Variants in TGFBI observed in about 807,000 individuals in gnomAD.
The protein encoded by TGFBI is transforming growth factor-beta-induced protein ig-h3.
Under a neutral mutation model 73.7 loss-of-function variants are expected in TGFBI, and 50 were observed. That is an observed-to-expected ratio of 0.68 (90% CI 0.54 to 0.86). The LOEUF is 0.86. Ranked by LOEUF, TGFBI falls within the 40% of genes least tolerant of loss-of-function variation. The probability of loss-of-function intolerance (pLI) is 0.00; values close to 1 mark genes in which losing one functional copy is unlikely to be tolerated. For synonymous variants in TGFBI, 362 were observed against 360.5 expected, an observed-to-expected ratio of 1.00 and a Z score of -0.05; for missense variants, 839 against 877.0, an observed-to-expected ratio of 0.96 and a Z score of 0.55.
chr5:136,045,075 C>T (rs6897320), intron 3 of TGFBI, among the ~76,000 whole-genome samples: 55,302 of 151,990 alleles, frequency 0.36, 11,222 homozygotes, highest in African/African-American at 0.56. Context: ...CCCACAGATA[C>T]GAAGGGCCAA....
chr5:136,056,799 A>G lies in TGFBI; in HGVS notation c.1678+4A>G. The G allele has an allele frequency of 1.9e-6, 3 of 1,611,910 alleles. No homozygotes were observed. The highest frequency in any genetic ancestry group is 2.5e-6 in the Non-Finnish European group (3 of 1,178,852). On this transcript the variant is annotated splice_donor_region_variant and intron_variant, in intron 12 of 16. Coordinates refer to ENST00000442011, the MANE Select transcript of TGFBI (RefSeq NM_000358.3). Reference sequence around the variant, plus strand: ...AGAGAACGGAGCAGACTCTTGGGTAAAGACCAACTTAAGTACACGTCTCCA... The same window carrying G: ...AGAGAACGGAGCAGACTCTTGGGTAGAGACCAACTTAAGTACACGTCTCCA...
rs1751735485 is a variant in TGFBI at position 136,060,886 on chromosome 5, T to C, written c.1856T>C (p.Met619Thr). 3 of 1,601,574 alleles carry C rather than the reference T, an allele frequency of 1.9e-6. No homozygotes were observed. Among genetic ancestry groups the C allele is most frequent in the Non-Finnish European group, 2.6e-6 (3 of 1,170,768 alleles). The change falls in exon 14 of 17, where the codon ATG (methionine) becomes ACG (threonine). Residue 619 changes from methionine to threonine, a missense_variant. Transcript: ENST00000442011. ...GAGCCTGTTGCCGAGCCTGACATCA[T>C]GGCCACAAATGGCGTGGTCCATGTC... Reference protein sequence around the residue: ...NKEPVAEPDIMATNGVVHVIT... With the variant: ...NKEPVAEPDITATNGVVHVIT...
chr5:136,053,771 C>T (rs1167545995), intron 8 of TGFBI, among the ~76,000 whole-genome samples, 172 bp from the exon 9 acceptor site: 1 of 152,228 alleles, frequency 6.6e-6, no homozygotes, highest in Non-Finnish European at 1.5e-5. Flanking sequence ...GTTAGATTTT[C>T]TAGGTGACTG....
intron 9 of TGFBI, 144 bp from the exon 10 acceptor site, chr5:136,054,572 G>A: frequency 9.5e-7 from 1 of 1,056,630 alleles, no homozygotes; most frequent in Non-Finnish European, 1.5e-6. Context: ...CAGATGTTAA[G>A]GAATATTGGC....
At position 136,029,117 on chromosome 5, in the gene TGFBI, C is replaced by T. The variant is rs1224143244; in HGVS notation, c.62C>T (p.Thr21Ile). ...GCTCTGGCCCTGGGCCCCGCCGCGA[C>T]CCTGGCGGGTCCCGCCAAGTCGCCC... ...ALALALGPAA[T>I]LAGPAKSPYQ... The change falls in exon 1 of 17, where the codon ACC becomes ATC. Residue 21 changes from threonine to isoleucine, a missense_variant. Physicochemically the swap from Thr to Ile is moderately conservative, Grantham distance 89 (BLOSUM62 -1). Transcript: ENST00000442011. 3 of 1,525,562 alleles carry T rather than the reference C, an allele frequency of 2.0e-6. No homozygotes were observed. The highest frequency in any genetic ancestry group is 2.6e-6 in the Non-Finnish European group (3 of 1,143,310). The allele number at this position is 1,525,562 out of a possible 1,614,324, so 94.5% of individuals were successfully genotyped here. A position where few individuals can be genotyped will look rare whatever the true frequency, so the allele number is the denominator to read the frequency against.
chr5:136,034,140 G>A (rs551498944), intron 2 of TGFBI, among the ~76,000 whole-genome samples: 1 of 152,244 alleles, frequency 6.6e-6, no homozygotes, highest in East Asian at 1.9e-4. Flanking sequence ...GTGTGTGTGT[G>A]TGTTTCTCAA....
At chr5:136,054,925 A>G (rs753604599) in intron 10 of TGFBI, 64 bp downstream of exon 10, 168 of 1,374,972 alleles carry the variant, frequency 1.2e-4, no homozygotes, top group Non-Finnish European at 1.6e-4. Context: ...GTATTAGTGT[A>G]AAAAAAAATG....
Position 136,058,981 on chromosome 5 carries a change from G to A in TGFBI, c.1679-109G>A. 4 of 1,388,550 alleles carry A rather than the reference G, an allele frequency of 2.9e-6. No homozygotes were observed. The Admixed American group carries it at 9.1e-5, about 32-fold the overall frequency. The allele number at this position is 1,388,550 out of a possible 1,614,324, so 86.0% of individuals were successfully genotyped here. A position where few individuals can be genotyped will look rare whatever the true frequency, so the allele number is the denominator to read the frequency against. On this transcript the variant is annotated intron_variant, in intron 12 of 16. Coordinates refer to ENST00000442011, the MANE Select transcript of TGFBI (RefSeq NM_000358.3). ...TAAGTGCTTATTCCCTGGGCAGGGA[G>A]TTCTTCATTTCAGGGGTGACCACTT...
chr5:136,059,304 A>G, intron 13 of TGFBI, 90 bp downstream of exon 13: 6 of 1,517,308 alleles, frequency 4.0e-6, no homozygotes, highest in South Asian at 1.3e-5. Flanking sequence ...TTATACACAC[A>G]CAACCTTCAA....
intron 13 of TGFBI, among the ~76,000 whole-genome samples, chr5:136,060,548 T>C (rs751725855): frequency 6.6e-6 from 1 of 152,028 alleles, no homozygotes; most frequent in Non-Finnish European, 1.5e-5. Flanking sequence ...ACATCTCTAC[T>C]AAAAATACAA....
rs181016517 is a variant in TGFBI, at chr5:136,049,902, G to A, written c.913+322G>A. ...GCTGGAATAGCCAAGGCCAGAGCAAGGCTAATAGGTAGAGCAACAGCTTAC... is the reference window on the plus strand; with the variant it reads ...GCTGGAATAGCCAAGGCCAGAGCAAAGCTAATAGGTAGAGCAACAGCTTAC... On this transcript the variant is annotated intron_variant, in intron 7 of 16. Transcript: ENST00000442011. 1.3e-3 allele frequency: 363 copies of A among 271,114 alleles called. 3 individuals carry two copies. Among genetic ancestry groups the A allele is most frequent in the African/African-American group, 6.8e-3 (318 of 46,980 alleles). 16.8% of individuals were successfully genotyped at this position (271,114 alleles called of 1,614,324 possible).
intron 6 of TGFBI, chr5:136,049,219 G>T (rs1751488391): frequency 3.8e-6 from 2 of 531,044 alleles, no homozygotes; most frequent in East Asian, 6.0e-5. Flanking sequence ...GGAAAGGCAG[G>T]TTAAGGACAT....
At chr5:136,058,525 C>T (rs1257741436) in intron 12 of TGFBI, among the ~76,000 whole-genome samples, 1 of 152,136 alleles carries the variant, frequency 6.6e-6, no homozygotes, top group Non-Finnish European at 1.5e-5. Flanking sequence ...AGGGAATATC[C>T]CCCTCAGCCC....
Position 136,049,533 on chromosome 5 carries a change from C to G in TGFBI, c.866C>G (p.Pro289Arg), listed in dbSNP as rs760518347. The G allele has an allele frequency of 1.7e-5, 28 of 1,613,958 alleles. No homozygotes were observed. The highest frequency in any genetic ancestry group is 1.4e-5 in the Non-Finnish European group (16 of 1,179,878). Residue 289 changes from proline to arginine, a missense_variant, in exon 7 of 17, where the codon CCT becomes CGT. By Grantham distance (103) the Pro-to-Arg change is moderately radical. Coordinates refer to ENST00000442011, the MANE Select transcript of TGFBI (RefSeq NM_000358.3). The part of the protein sequence containing the change: ...APTNEAFEKI[P>R]SETLNRILGD... ...ACCAATGAGGCCTTCGAGAAGATCCCTAGTGAGACTTTGAACCGTATCCTG... is the reference window on the plus strand; with the variant it reads ...ACCAATGAGGCCTTCGAGAAGATCCGTAGTGAGACTTTGAACCGTATCCTG...
chr5:136,055,133 C>T (rs970426762), intron 10 of TGFBI: 12 of 414,038 alleles, frequency 2.9e-5, no homozygotes, highest in Middle Eastern at 6.7e-4. Flanking sequence ...GAATTAACAC[C>T]TGGGAGGAGG....
chr5:136,032,073 G>A (rs553389914), intron 1 of TGFBI, among the ~76,000 whole-genome samples: 25 of 152,304 alleles, frequency 1.6e-4, no homozygotes, highest in South Asian at 1.5e-3. Context: ...AGGACCGGGG[G>A]CTGGAGTATG....
At chr5:136,048,139 C>A (rs967520060) in intron 6 of TGFBI, 6 of 152,232 alleles carry the variant, frequency 3.9e-5, no homozygotes, top group Non-Finnish European at 7.3e-5. Flanking sequence ...CACAGAGAGA[C>A]AAACACGCTG....
chr5:136,041,813 A>C (rs527923968), intron 2 of TGFBI, among the ~76,000 whole-genome samples: 16 of 152,286 alleles, frequency 1.1e-4, no homozygotes, highest in Middle Eastern at 3.4e-3. Flanking sequence ...ATATTTGAGG[A>C]GTTGGTTTTC....
At chr5:136,030,917 A>T (rs1252018210) in intron 1 of TGFBI, among the ~76,000 whole-genome samples, 1 of 152,204 alleles carries the variant, frequency 6.6e-6, no homozygotes, top group Non-Finnish European at 1.5e-5. Flanking sequence ...ATCAAGAGCC[A>T]TCTTTACAGC....
Sources: gnomAD v4.1 joint callset for allele counts (sites outside exome capture counted in the v4.1 genomes callset) on GRCh38, gnomAD v4.1.1 for gene constraint, MANE v1.5 for transcripts, NCBI Gene and HGNC (gene_info 2026-07-23, HGNC 2026-07-21) for gene names.